FBXL20: variants seen among roughly 807,000 people sequenced by gnomAD.
FBXL20 encodes the protein F-box and leucine rich repeat protein 20.
A neutral mutation model predicts 64.0 loss-of-function variants in FBXL20; 11 were observed. The observed-to-expected ratio is 0.17, with a 90% confidence interval of 0.11 to 0.28. FBXL20 has a LOEUF of 0.28. Ranked by LOEUF, FBXL20 falls within the 10% of genes least tolerant of loss-of-function variation. The probability of loss-of-function intolerance (pLI) is 1.00; values close to 1 mark genes in which losing one functional copy is unlikely to be tolerated. For missense variants in FBXL20, 303 were observed against 526.2 expected (o/e 0.58, Z 4.15); for synonymous variants, 184 against 189.0 (o/e 0.97, Z 0.22).
chr17:39,398,040 C>CA (rs2048201370), intron 1 of FBXL20, among the ~76,000 whole-genome samples: 1 of 56,678 alleles, frequency 1.8e-5, no homozygotes, highest in African/African-American at 5.4e-5. Context: ...GGCCGGCGGG[C>CA]GGGGGGGGGG....
At position 39,253,218 on chromosome 17, in the gene FBXL20, T is replaced by C. The variant is rs758776621; in HGVS notation, c.*8242A>G. ...CATCCATCTCTGTCCCTGAGCAGAG[T>C]CTGACAGGCATGGGTAGTCCTCACA... is the stretch of plus-strand genomic sequence containing the variant. On this transcript the variant is annotated 3_prime_UTR_variant, in exon 15 of 15. Transcript: ENST00000264658. 6 of 152,304 alleles carry C rather than the reference T, an allele frequency of 3.9e-5. No individual in the cohort carries two copies. Among genetic ancestry groups the C allele is most frequent in the Admixed American group, 6.6e-5 (1 of 15,258 alleles). 9.4% of individuals were successfully genotyped at this position (152,304 alleles called of 1,614,324 possible).
At position 39,350,934 on chromosome 17, in the gene FBXL20, A is replaced by G. The variant is rs553359323; in HGVS notation, c.43-7693T>C. Among the ~76,000 whole-genome samples the G allele has an allele frequency of 2.0e-5, 3 of 152,300 alleles. No homozygotes were observed. The South Asian group carries it at 6.2e-4, about 32-fold the overall frequency. On this transcript the variant is annotated intron_variant, in intron 1 of 14. Coordinates refer to ENST00000264658, the MANE Select transcript of FBXL20 (RefSeq NM_032875.3). The stretch of plus-strand genomic sequence containing the variant: ...CCTCTATGTGATACTGATGTACCCT[A>G]AAGTTTAAGAACCAATAGGTCAGAT...
In FBXL20 at chr17:39,378,992, C is replaced by T. The variant is rs1381764939; in HGVS notation, c.42+22369G>A. On this transcript the variant is annotated intron_variant, in intron 1 of 14. Transcript: ENST00000264658. The stretch of plus-strand genomic sequence containing the variant: ...CCTGTAATCCCAGCACTTTGGGAGG[C>T]CGAGGCGGGCAGATCACCTGAGGTC... Among the ~76,000 whole-genome samples, 4 of 149,916 alleles carry T rather than the reference C, an allele frequency of 2.7e-5. No homozygotes were observed. The South Asian group carries it at 6.3e-4, about 24-fold the overall frequency.
chr17:39,377,062 T>C (rs1028126382), intron 1 of FBXL20, among the ~76,000 whole-genome samples: 2 of 152,134 alleles, frequency 1.3e-5, no homozygotes, highest in African/African-American at 2.4e-5. Context: ...GGGGACTAGA[T>C]TGCCTCTGTA....
chr17:39,394,430 G>C (rs1245492758), intron 1 of FBXL20, among the ~76,000 whole-genome samples: 2 of 151,328 alleles, frequency 1.3e-5, no homozygotes, highest in Non-Finnish European at 2.9e-5. Flanking sequence ...CTGCCACCAC[G>C]CCAGGCTAAT....
At chr17:39,274,579 A>G (rs930398607) in intron 10 of FBXL20, among the ~76,000 whole-genome samples, 1 of 152,240 alleles carries the variant, frequency 6.6e-6, no homozygotes, top group Non-Finnish European at 1.5e-5. Context: ...TGTCTTTTAA[A>G]TATAGTACCC....
chr17:39,291,427 TTTTC>T (rs1004970699), intron 6 of FBXL20, among the ~76,000 whole-genome samples: 4 of 145,410 alleles, frequency 2.8e-5, no homozygotes, highest in East Asian at 2.0e-4. Context: ...ATTTTAAAAC[TTTTC>T]TTTTTTTTTT....
intron 14 of FBXL20, chr17:39,263,873 GCTTTT>G (rs1486547716): frequency 1.8e-5 from 4 of 226,032 alleles, no homozygotes; most frequent in African/African-American, 9.4e-5. Flanking sequence ...TGTGGCATGT[GCTTTT>G]TTTTTTTTTT....
intron 1 of FBXL20, among the ~76,000 whole-genome samples, chr17:39,394,278 CTTTTTTT>C (rs529406292): frequency 1.5e-5 from 2 of 134,294 alleles, no homozygotes; most frequent in African/African-American, 5.6e-5. Context: ...ATTACTGAAA[CTTTTTTT>C]TTTTTTTTTT....
rs1264938137 is a variant in FBXL20, at chr17:39,258,404, G to C, written c.*3056C>G. On this transcript the variant is annotated 3_prime_UTR_variant, in exon 15 of 15. Transcript: ENST00000264658. ...ATTTCCTTCCAAGCTTGATAGGCCT[G>C]AAGTTTTCTTGAGAAAGGAACAAGG... The C allele has an allele frequency of 6.6e-6, 1 of 152,222 alleles. No individual in the cohort carries two copies. Among genetic ancestry groups the C allele is most frequent in the Non-Finnish European group, 1.5e-5 (1 of 68,046 alleles). 9.4% of individuals were successfully genotyped at this position (152,222 alleles called of 1,614,324 possible). A position where few individuals can be genotyped will look rare whatever the true frequency, so the allele number is the denominator to read the frequency against.
chr17:39,290,906 G>A (rs374038679), intron 6 of FBXL20, among the ~76,000 whole-genome samples: 13 of 151,784 alleles, frequency 8.6e-5, no homozygotes, highest in East Asian at 5.8e-4. Context: ...GGTTAATCAA[G>A]CTTATTCATT....
chr17:39,340,823 T>C (rs923182675), intron 2 of FBXL20, among the ~76,000 whole-genome samples: 6 of 151,982 alleles, frequency 3.9e-5, no homozygotes, highest in African/African-American at 1.4e-4. Context: ...TGAAAGTAAT[T>C]TTGAACCATT....
chr17:39,370,837 T>TTGG (rs1233796527), intron 1 of FBXL20, among the ~76,000 whole-genome samples: 1 of 151,964 alleles, frequency 6.6e-6, no homozygotes, highest in Non-Finnish European at 1.5e-5. Flanking sequence ...CAACCTTATA[T>TTGG]TAGCCCCTTC....
At chr17:39,392,683 T>C (rs2048145941) in intron 1 of FBXL20, among the ~76,000 whole-genome samples, 1 of 152,074 alleles carries the variant, frequency 6.6e-6, no homozygotes, top group African/African-American at 2.4e-5. Context: ...GTGCCCAGAA[T>C]AGCTATACGT....
chr17:39,314,706 C>T (rs1258274077), intron 2 of FBXL20, among the ~76,000 whole-genome samples: 1 of 151,582 alleles, frequency 6.6e-6, no homozygotes, highest in African/African-American at 2.4e-5. Context: ...AACTGCCAAG[C>T]TGTGTTCCAC....
intron 12 of FBXL20, among the ~76,000 whole-genome samples, chr17:39,265,847 A>G (rs1389741570): frequency 6.6e-6 from 1 of 151,984 alleles, no homozygotes; most frequent in Non-Finnish European, 1.5e-5. Flanking sequence ...GGCTCAAGCC[A>G]TCTTCCAGCC....
intron 2 of FBXL20, among the ~76,000 whole-genome samples, chr17:39,312,779 T>A (rs1349523879): frequency 6.7e-6 from 1 of 150,200 alleles, no homozygotes; most frequent in East Asian, 2.0e-4. Context: ...GGTTTCAATG[T>A]GTTAGCCAGG....
Position 39,342,704 on chromosome 17 carries a change from G to A in FBXL20, c.104+476C>T, listed in dbSNP as rs183660832. Among the ~76,000 whole-genome samples, 340 of 150,410 alleles carry A rather than the reference G, an allele frequency of 2.3e-3. 1 individual carries two copies. The highest frequency in any genetic ancestry group is 3.9e-3 in the Non-Finnish European group (266 of 67,550). On this transcript the variant is annotated intron_variant, in intron 2 of 14. Coordinates refer to ENST00000264658, the MANE Select transcript of FBXL20 (RefSeq NM_032875.3). Reference sequence around the variant, plus strand: ...TGCACTCCAGCCTGGGCGACAGAGAGAGACCCCGTCTCAAAAAAACAAAAA... The same window carrying A: ...TGCACTCCAGCCTGGGCGACAGAGAAAGACCCCGTCTCAAAAAAACAAAAA...
intron 1 of FBXL20, among the ~76,000 whole-genome samples, chr17:39,349,797 A>G (rs1203696693): frequency 3.3e-5 from 5 of 152,158 alleles, no homozygotes; most frequent in Middle Eastern, 3.4e-3. Context: ...TTAGCCGGGC[A>G]TGGTGGCTAG....
Sources: allele counts gnomAD v4.1 joint callset (sites outside exome capture counted in the v4.1 genomes callset), GRCh38; gene constraint gnomAD v4.1.1; transcripts MANE v1.5; gene names NCBI Gene and HGNC (gene_info 2026-07-23, HGNC 2026-07-21).